The following TMEM259 variants were observed in gnomAD, a reference collection of about 807,000 sequenced individuals.
TMEM259 encodes the protein membralin.
TMEM259 carries 26 observed loss-of-function variants against 46.7 expected under a neutral mutation model. The ratio of observed to expected loss-of-function variants is 0.56; its 90% CI spans 0.41 to 0.77. TMEM259 has a LOEUF of 0.77. TMEM259 is among the 30% of genes least tolerant of loss of function. The pLI is 0.00. For missense variants in TMEM259, 930 were observed against 900.5 expected (o/e 1.03, Z -0.42); for synonymous variants, 494 against 395.1 (o/e 1.25, Z -2.97).
chr19:1,017,285 A>G, intron 1 of TMEM259: 1 of 399,740 alleles, frequency 2.5e-6, no homozygotes, highest in Non-Finnish European at 4.4e-6. Context: ...TCACCTGCAA[A>G]TGCTCCCATG....
chr19:1,017,458 C>T (rs2039148246), intron 1 of TMEM259: 1 of 399,712 alleles, frequency 2.5e-6, no homozygotes, highest in Non-Finnish European at 4.4e-6. Context: ...GCTGCCTGGA[C>T]ACCCCACCCC....
intron 1 of TMEM259, 80 bp from the exon 2 acceptor site, chr19:1,014,553 A>C (rs867526461): frequency 1.4e-4 from 126 of 886,336 alleles, no homozygotes; most frequent in Admixed American, 6.2e-4. Context: ...ATGGGGCGTG[A>C]TGGGGCGCGC....
At chr19:1,019,863 G>C (rs1189032851) in intron 1 of TMEM259, among the ~76,000 whole-genome samples, 1 of 152,200 alleles carries the variant, frequency 6.6e-6, no homozygotes, top group African/African-American at 2.4e-5. Flanking sequence ...CAGGACCCCG[G>C]CCAGCTTGTT....
chr19:1,010,286 C>T lies in TMEM259; in HGVS notation c.*64G>A. ...GGAAGGAGGTGGCTGGCCTCCCCCACCCCCACGGGCTCGGGAAGGTCAGGC... is the reference window on the plus strand; with the variant it reads ...GGAAGGAGGTGGCTGGCCTCCCCCATCCCCACGGGCTCGGGAAGGTCAGGC... On this transcript the variant is annotated 3_prime_UTR_variant, in exon 11 of 11. Coordinates refer to ENST00000356663, the MANE Select transcript of TMEM259 (RefSeq NM_001033026.2). The T allele has an allele frequency of 7.4e-7, 1 of 1,355,338 alleles. No individual in the cohort carries two copies. 84.0% of individuals were successfully genotyped at this position (1,355,338 alleles called of 1,614,324 possible).
intron 1 of TMEM259, chr19:1,017,290 C>T (rs991297140): frequency 1.7e-5 from 7 of 400,144 alleles, no homozygotes; most frequent in Non-Finnish European, 2.6e-5. Context: ...TGCAAATGCT[C>T]CCATGGGCCC....
At position 1,011,546 on chromosome 19, in the gene TMEM259, G is replaced by A. The variant is rs199842877; in HGVS notation, c.1084+34C>T. 909 of 1,539,212 alleles carry A rather than the reference G, an allele frequency of 5.9e-4. 5 individuals carry two copies. In the African/African-American group the frequency reaches 0.011, roughly 19 times the overall value. On this transcript the variant is annotated intron_variant, in intron 8 of 10. Transcript: ENST00000356663. ...GTTGAAGCGGGCGGGGCGGGGTGCAGCGCGGGGCGGGGGAGGCCGGGTGGG... is the reference window on the plus strand; with the variant it reads ...GTTGAAGCGGGCGGGGCGGGGTGCAACGCGGGGCGGGGGAGGCCGGGTGGG...
chr19:1,013,329 G>A lies in TMEM259; in HGVS notation c.519C>T (p.Asp173=). The A allele has an allele frequency of 6.2e-7, 1 of 1,613,580 alleles. No individual in the cohort carries two copies. Among genetic ancestry groups the A allele is most frequent in the East Asian group, 2.2e-5 (1 of 44,882 alleles). Residue 173 remains aspartate, a synonymous_variant, in exon 3 of 11, where the codon GAC becomes GAT. Transcript: ENST00000356663. ...FGNSSIKFEL[D]IEPKVFKPPS... is the part of the protein sequence containing the mutation. Reference sequence around the variant, plus strand: ...GCGGCTTGAACACCTTGGGCTCGATGTCCAGCTCAAACTGTGGGCGACCAG... The same window carrying A: ...GCGGCTTGAACACCTTGGGCTCGATATCCAGCTCAAACTGTGGGCGACCAG...
rs903539756 is a variant in TMEM259, at chr19:1,012,519, C to T, written c.662G>A (p.Arg221His). Residue 221 changes from arginine (R) to histidine (H), a missense_variant, in exon 4 of 11, where the codon CGC becomes CAC. Arg to His is a conservative substitution (Grantham distance 29). Transcript: ENST00000356663. ...GCGCTGGCGGGTGGCCTGCGACAGG[C>T]GAAGGAAGCCATACTCTAGTGAGTA... Reference protein sequence around the residue: ...VEYSLEYGFLRLSQATRQRLS... With the variant: ...VEYSLEYGFLHLSQATRQRLS... The T allele has an allele frequency of 4.4e-6, 7 of 1,599,712 alleles. No homozygotes were observed. The highest frequency in any genetic ancestry group is 1.1e-5 in the South Asian group (1 of 89,022).
intron 1 of TMEM259, among the ~76,000 whole-genome samples, chr19:1,018,617 A>G (rs1320938917): frequency 1.3e-5 from 2 of 152,218 alleles, no homozygotes; most frequent in Non-Finnish European, 2.9e-5. Flanking sequence ...CACTTTGCAG[A>G]TAAGTAAAAG....
intron 3 of TMEM259, 41 bp from the exon 4 acceptor site, chr19:1,012,614 A>C (rs1405072883): frequency 6.5e-7 from 1 of 1,538,566 alleles, no homozygotes; most frequent in Non-Finnish European, 8.8e-7. Context: ...GCCCCCACAC[A>C]CGTCCCCCGC....
intron 1 of TMEM259, among the ~76,000 whole-genome samples, chr19:1,016,592 G>A (rs1393775816): frequency 6.6e-6 from 1 of 152,228 alleles, no homozygotes; most frequent in Non-Finnish European, 1.5e-5. Context: ...GCTGTCCAAC[G>A]CTTCACAAGG....
intron 1 of TMEM259, among the ~76,000 whole-genome samples, chr19:1,016,649 CAG>C (rs2039120587): frequency 1.3e-5 from 2 of 152,216 alleles, no homozygotes; most frequent in African/African-American, 4.8e-5. Context: ...GGAACTGACA[CAG>C]AGGTCCCGAC....
chr19:1,011,835 C>A (rs745982074), intron 6 of TMEM259, 37 bp from the exon 7 acceptor site: 5 of 1,588,268 alleles, frequency 3.1e-6, no homozygotes, highest in Non-Finnish European at 4.3e-6. Flanking sequence ...TGAGGGGCTG[C>A]GAGGGCCTGC....
intron 1 of TMEM259, among the ~76,000 whole-genome samples, chr19:1,014,761 C>G (rs919952022): frequency 1.3e-5 from 2 of 152,206 alleles, no homozygotes; most frequent in Non-Finnish European, 2.9e-5. Flanking sequence ...CCTGGGGCTT[C>G]GGCAAGGCCT....
intron 9 of TMEM259, 61 bp downstream of exon 9, chr19:1,011,302 CCTCT>C (rs1187497400): frequency 3.9e-6 from 6 of 1,540,648 alleles, no homozygotes; most frequent in Non-Finnish European, 5.2e-6. Context: ...AGCGCCCCTC[CCTCT>C]GGCAGCCCCC....
intron 1 of TMEM259, among the ~76,000 whole-genome samples, chr19:1,014,980 T>C (rs1410011822): frequency 1.3e-5 from 2 of 152,204 alleles, no homozygotes; most frequent in Admixed American, 1.3e-4. Context: ...GGCCACCAGC[T>C]GGACCCACTG....
Position 1,011,402 on chromosome 19 carries a change from G to A in TMEM259, c.1182C>T (p.Cys394=), listed in dbSNP as rs779726173. 7 of 1,565,800 alleles carry A rather than the reference G, an allele frequency of 4.5e-6. No homozygotes were observed. Among genetic ancestry groups the A allele is most frequent in the Admixed American group, 3.7e-5 (2 of 53,388 alleles). The part of the protein sequence containing the change: ...VWLADQYDAI[C]CHTSTSKRHW... ...GCCGCTTGCTGGTGCTGGTGTGGCA[G>A]CAGATGGCGTCATACTGGTCCGCGA... is the stretch of plus-strand genomic sequence containing the variant. Residue 394 remains cysteine, a synonymous_variant, in exon 9 of 11, where the codon TGC becomes TGT. Transcript: ENST00000356663.
At position 1,010,028 on chromosome 19, in the gene TMEM259, A is replaced by T. The variant is rs77386938; in HGVS notation, c.*322T>A. ...TCCTCCACACCTCCGCCTTGCTCAG[A>T]GACCTGCACCATGGGACCCCACTCC... On this transcript the variant is annotated 3_prime_UTR_variant, in exon 11 of 11. Coordinates refer to ENST00000356663, the MANE Select transcript of TMEM259 (RefSeq NM_001033026.2). 8.6e-3 allele frequency: 3,176 copies of T among 367,748 alleles called. 105 individuals carry two copies. Among genetic ancestry groups the T allele is most frequent in the African/African-American group, 0.063 (2,963 of 47,130 alleles). 22.8% of individuals were successfully genotyped at this position (367,748 alleles called of 1,614,324 possible).
Position 1,010,022 on chromosome 19 carries a change from G to C in TMEM259, c.*328C>G, listed in dbSNP as rs577440562. The C allele has an allele frequency of 6.3e-5, 23 of 365,970 alleles. No homozygotes were observed. In the East Asian group the frequency reaches 1.0e-3, roughly 16 times the overall value. The allele number at this position is 365,970 out of a possible 1,614,324, so 22.7% of individuals were successfully genotyped here. On this transcript the variant is annotated 3_prime_UTR_variant, in exon 11 of 11. Coordinates refer to ENST00000356663, the MANE Select transcript of TMEM259 (RefSeq NM_001033026.2). ...GGCCTCTCCTCCACACCTCCGCCTTGCTCAGAGACCTGCACCATGGGACCC... is the reference window on the plus strand; with the variant it reads ...GGCCTCTCCTCCACACCTCCGCCTTCCTCAGAGACCTGCACCATGGGACCC...
Sources: allele counts gnomAD v4.1 joint callset (sites outside exome capture counted in the v4.1 genomes callset), GRCh38; gene constraint gnomAD v4.1.1; transcripts MANE v1.5; gene names NCBI Gene and HGNC (gene_info 2026-07-23, HGNC 2026-07-21).